Variants in ZBTB7C observed in about 807,000 individuals in gnomAD.
ZBTB7C encodes zinc finger and BTB domain containing 7C.
In ZBTB7C, 8 loss-of-function variants were observed where a neutral mutation model predicts 25.7. The observed-to-expected ratio is 0.31, with a 90% confidence interval of 0.18 to 0.56. The LOEUF is 0.56. Ranked by LOEUF, ZBTB7C falls within the 20% of genes least tolerant of loss-of-function variation. The pLI, the probability that ZBTB7C is intolerant of heterozygous loss-of-function variation, is 0.91. For synonymous variants in ZBTB7C, 394 were observed against 369.0 expected, an observed-to-expected ratio of 1.07 and a Z score of -0.78; for missense variants, 824 against 855.2, an observed-to-expected ratio of 0.96 and a Z score of 0.46.
intron 2 of ZBTB7C, among the ~76,000 whole-genome samples, chr18:48,261,545 T>A (rs2044171868): frequency 6.6e-6 from 1 of 152,192 alleles, no homozygotes; most frequent in African/African-American, 2.4e-5. Flanking sequence ...TCTCATAGGA[T>A]GATGTTGTGC....
At chr18:48,043,744 T>G (rs2036356148) in intron 3 of ZBTB7C, among the ~76,000 whole-genome samples, 1 of 152,182 alleles carries the variant, frequency 6.6e-6, no homozygotes, top group South Asian at 2.1e-4. Context: ...GCGTAAAGGG[T>G]ACATGAGATG....
chr18:48,290,114 A>G (rs1440062719), intron 2 of ZBTB7C, among the ~76,000 whole-genome samples: 1 of 152,214 alleles, frequency 6.6e-6, no homozygotes, highest in African/African-American at 2.4e-5. Context: ...AATTCAGAGC[A>G]TTTAGCACCT....
intron 2 of ZBTB7C, among the ~76,000 whole-genome samples, chr18:48,298,400 G>A (rs1251616861): frequency 6.6e-6 from 1 of 152,144 alleles, no homozygotes; most frequent in African/African-American, 2.4e-5. Flanking sequence ...AGATGACAGT[G>A]GGCACTCATG....
In ZBTB7C at chr18:48,040,532, T is replaced by G. The variant is rs114461217; in HGVS notation, c.576A>C (p.Thr192=). The G allele has an allele frequency of 6.2e-7, 1 of 1,613,976 alleles. No individual in the cohort carries two copies. Residue 192 remains threonine (T), a synonymous_variant, in exon 4 of 5, where the codon ACA becomes ACC. Coordinates refer to ENST00000590800, the MANE Select transcript of ZBTB7C (RefSeq NM_001318841.2). ...AATAGGCCTTCTCTGTGAGATGGTC[T>G]GTCTTGGAAGGGCTTTGGTGGCAGC... is the stretch of plus-strand genomic sequence containing the variant. ...DISCHQSPSK[T]DHLTEKAYSD...
intron 3 of ZBTB7C, among the ~76,000 whole-genome samples, chr18:48,084,448 G>T (rs1024544032): frequency 9.9e-5 from 15 of 152,188 alleles, no homozygotes; most frequent in Non-Finnish European, 1.8e-4. Flanking sequence ...CAGCAGTGGC[G>T]GCAGGTGGCT....
intron 3 of ZBTB7C, among the ~76,000 whole-genome samples, chr18:48,054,355 G>A (rs2036827065): frequency 6.6e-6 from 1 of 152,190 alleles, no homozygotes; most frequent in Non-Finnish European, 1.5e-5. Context: ...CCACTCCCCT[G>A]CCCTTCTCTA....
At chr18:48,233,104 A>T (rs75455273) in intron 2 of ZBTB7C, among the ~76,000 whole-genome samples, 9,051 of 152,262 alleles carry the variant, frequency 0.059, 428 homozygotes, top group East Asian at 0.18. Flanking sequence ...CCAATGCAGC[A>T]TTGGCAGGTG....
At chr18:48,270,738 C>T (rs1203419516) in intron 2 of ZBTB7C, among the ~76,000 whole-genome samples, 2 of 150,530 alleles carry the variant, frequency 1.3e-5, no homozygotes, top group African/African-American at 2.4e-5. Context: ...GGTGTGGTTT[C>T]AGCATGTCGG....
chr18:48,315,264 C>T (rs78607034), intron 2 of ZBTB7C, among the ~76,000 whole-genome samples: 4,255 of 152,252 alleles, frequency 0.028, 117 homozygotes, highest in South Asian at 0.073. Context: ...GGCAAACCAA[C>T]GCTGGATGAG....
chr18:48,059,301 G>A (rs1431837275), intron 3 of ZBTB7C, among the ~76,000 whole-genome samples: 1 of 152,016 alleles, frequency 6.6e-6, no homozygotes. Context: ...CTGGGGGTTG[G>A]GAACAGCAGG....
intron 3 of ZBTB7C, among the ~76,000 whole-genome samples, chr18:48,048,556 A>G (rs531410280): frequency 7.1e-4 from 108 of 152,328 alleles, no homozygotes; most frequent in Non-Finnish European, 1.3e-3. Flanking sequence ...CCTCATCTGT[A>G]CAATGAGGAT....
chr18:48,211,889 G>C (rs1274517746), intron 2 of ZBTB7C, among the ~76,000 whole-genome samples: 1 of 152,164 alleles, frequency 6.6e-6, no homozygotes, highest in Non-Finnish European at 1.5e-5. Context: ...ACCTGTACAT[G>C]AATGTTTATA....
chr18:48,182,505 G>T (rs1030777689), intron 3 of ZBTB7C, among the ~76,000 whole-genome samples: 1 of 152,214 alleles, frequency 6.6e-6, no homozygotes, highest in Non-Finnish European at 1.5e-5. Flanking sequence ...TACCAAAGAT[G>T]CACAGAGGAG....
chr18:48,280,840 TTC>T (rs1251123655), intron 2 of ZBTB7C, among the ~76,000 whole-genome samples: 4 of 147,126 alleles, frequency 2.7e-5, no homozygotes, highest in South Asian at 2.2e-4. Flanking sequence ...GGTAATTTTT[TTC>T]TCTCTCTTTT....
At chr18:48,217,279 G>T (rs1259138881) in intron 2 of ZBTB7C, among the ~76,000 whole-genome samples, 1 of 152,180 alleles carries the variant, frequency 6.6e-6, no homozygotes, top group Non-Finnish European at 1.5e-5. Context: ...TGGTAGGCCT[G>T]AACTCTCTGC....
chr18:48,201,155 C>T (rs1183807673), intron 2 of ZBTB7C, among the ~76,000 whole-genome samples: 1 of 152,236 alleles, frequency 6.6e-6, no homozygotes, highest in Non-Finnish European at 1.5e-5. Flanking sequence ...CATTCCCCTC[C>T]ATGGCTTCCC....
At chr18:48,229,186 CT>C (rs930561331) in intron 2 of ZBTB7C, among the ~76,000 whole-genome samples, 3 of 152,154 alleles carry the variant, frequency 2.0e-5, no homozygotes, top group African/African-American at 7.2e-5. Flanking sequence ...TCTGCCTGAG[CT>C]GTGTGCCACC....
chr18:48,053,305 G>A (rs1259975571), intron 3 of ZBTB7C, among the ~76,000 whole-genome samples: 5 of 152,090 alleles, frequency 3.3e-5, no homozygotes, highest in Non-Finnish European at 5.9e-5. Flanking sequence ...CCTTGCATGC[G>A]CGGGTTGGGG....
At chr18:48,380,016 C>T (rs1252687011) in intron 1 of ZBTB7C, among the ~76,000 whole-genome samples, 10 of 152,042 alleles carry the variant, frequency 6.6e-5, no homozygotes, top group Non-Finnish European at 1.0e-4. Context: ...AAGCATTTGT[C>T]AAAACCCACA....
Sources: gnomAD v4.1 joint callset for allele counts (sites outside exome capture counted in the v4.1 genomes callset) on GRCh38, gnomAD v4.1.1 for gene constraint, MANE v1.5 for transcripts, NCBI Gene and HGNC (gene_info 2026-07-23, HGNC 2026-07-21) for gene names.